The following STX19 variants were observed in gnomAD, a reference collection of about 807,000 sequenced individuals.
The protein encoded by STX19 is syntaxin-19.
A neutral mutation model predicts 24.3 loss-of-function variants in STX19; 26 were observed. The observed-to-expected ratio is 1.07, with a 90% CI of 0.78 to 1.48. The LOEUF is 1.48. Ranked by LOEUF, STX19 falls within the 40% of genes most tolerant of loss-of-function variation. STX19 has a pLI of 0.00. For synonymous variants in STX19, 116 were observed against 106.9 expected, an observed-to-expected ratio of 1.09 and a Z score of -0.52; for missense variants, 367 against 331.9, an observed-to-expected ratio of 1.11 and a Z score of -0.82.
chr3:94,018,309 G>A (rs895253641), intron 1 of STX19, among the ~76,000 whole-genome samples: 1 of 152,096 alleles, frequency 6.6e-6, no homozygotes, highest in Non-Finnish European at 1.5e-5. Context: ...TGGAGTAAAT[G>A]GGAACCATCA....
chr3:94,025,472 G>A (rs1219408267), intron 1 of STX19, among the ~76,000 whole-genome samples: 1 of 152,156 alleles, frequency 6.6e-6, no homozygotes, highest in African/African-American at 2.4e-5. Context: ...TTATGTGAAA[G>A]ATCCTTTACA....
At chr3:94,020,456 C>A (rs1000600441) in intron 1 of STX19, among the ~76,000 whole-genome samples, 3 of 152,040 alleles carry the variant, frequency 2.0e-5, no homozygotes, top group African/African-American at 4.8e-5. Flanking sequence ...GTATAGCATA[C>A]TAGAGCATAG....
rs1338975392 is a variant in STX19 at position 94,028,464 on chromosome 3, A to G, written c.-111T>C. 1.3e-5 allele frequency: 2 copies of G among 152,252 alleles called. No homozygotes were observed. Among genetic ancestry groups the G allele is most frequent in the Non-Finnish European group, 2.9e-5 (2 of 68,046 alleles). The allele number at this position is 152,252 out of a possible 1,614,324, so 9.4% of individuals were successfully genotyped here. On this transcript the variant is annotated 5_prime_UTR_variant, in exon 1 of 2. Transcript: ENST00000315099. Reference sequence around the variant, plus strand: ...TATCATCTCATGTTTTGAACAAATTATCTAAATCTCTGTCTTATAGGGCAC... The same window carrying G: ...TATCATCTCATGTTTTGAACAAATTGTCTAAATCTCTGTCTTATAGGGCAC...
chr3:94,018,127 GGC>G (rs2076370687), intron 1 of STX19, among the ~76,000 whole-genome samples: 1 of 152,024 alleles, frequency 6.6e-6, no homozygotes, highest in African/African-American at 2.4e-5. Flanking sequence ...TGAACTCCTG[GGC>G]TCAAGCCATC....
intron 1 of STX19, among the ~76,000 whole-genome samples, chr3:94,025,141 T>C (rs2076528719): frequency 6.6e-6 from 1 of 151,804 alleles, no homozygotes; most frequent in African/African-American, 2.4e-5. Context: ...CCATGTAATA[T>C]CATTCCCTGA....
At chr3:94,019,413 T>A (rs527480419) in intron 1 of STX19, among the ~76,000 whole-genome samples, 3 of 151,578 alleles carry the variant, frequency 2.0e-5, no homozygotes, top group African/African-American at 7.3e-5. Context: ...GTCAGGTTGG[T>A]CTTGAACTCT....
chr3:94,026,131 T>A (rs1354880155), intron 1 of STX19, among the ~76,000 whole-genome samples: 2 of 151,944 alleles, frequency 1.3e-5, no homozygotes. Flanking sequence ...GCCATTCTCC[T>A]GCCTCAGCCT....
chr3:94,018,090 G>A (rs912025238), intron 1 of STX19, among the ~76,000 whole-genome samples: 63 of 152,232 alleles, frequency 4.1e-4, no homozygotes, highest in African/African-American at 1.5e-3. Flanking sequence ...TGATACAGGG[G>A]TGTCCCTATG....
At chr3:94,016,733 G>C (rs2107499059) in intron 1 of STX19, among the ~76,000 whole-genome samples, 1 of 150,376 alleles carries the variant, frequency 6.6e-6, no homozygotes, top group South Asian at 2.1e-4. Context: ...TGCAACTTCT[G>C]CCTCCCGGGT....
chr3:94,014,874 T>C lies in STX19; in HGVS notation c.396A>G (p.Ile132Met). Residue 132 changes from isoleucine to methionine, a missense_variant, in exon 2 of 2, where the codon ATA (isoleucine) becomes ATG (methionine). Coordinates refer to ENST00000315099, the MANE Select transcript of STX19 (RefSeq NM_001001850.3). ...ACATTGCAGCATGCTGAGATTTAAG[T>C]ATCCTTGTGACCACTGAAGATGGAC... The part of the protein sequence containing the change: ...ENGPSSVVTR[I>M]LKSQHAAMFR... 6.2e-7 allele frequency: 1 copy of C among 1,614,064 alleles called. No individual in the cohort carries two copies. Among genetic ancestry groups the C allele is most frequent in the Non-Finnish European group, 8.5e-7 (1 of 1,179,958 alleles).
At chr3:94,027,741 A>G (rs1215426483) in intron 1 of STX19, among the ~76,000 whole-genome samples, 2 of 152,024 alleles carry the variant, frequency 1.3e-5, no homozygotes, top group African/African-American at 2.4e-5. Flanking sequence ...TCAAACTATC[A>G]ATTAAATGCT....
chr3:94,021,082 G>A (rs1389347449), intron 1 of STX19, among the ~76,000 whole-genome samples: 1 of 151,846 alleles, frequency 6.6e-6, no homozygotes, highest in Non-Finnish European at 1.5e-5. Context: ...GAACAATTAT[G>A]AAAGGAAGAT....
intron 1 of STX19, among the ~76,000 whole-genome samples, chr3:94,020,807 TAATTC>T (rs1251505515): frequency 1.3e-5 from 2 of 152,168 alleles, no homozygotes; most frequent in African/African-American, 4.8e-5. Flanking sequence ...TTTAAATACT[TAATTC>T]AAATAGCCGG....
chr3:94,019,847 G>A (rs1235355174), intron 1 of STX19, among the ~76,000 whole-genome samples: 1 of 152,142 alleles, frequency 6.6e-6, no homozygotes, highest in African/African-American at 2.4e-5. Flanking sequence ...TTAGGGCCTT[G>A]GCACTTGCCT....
rs61739250 is a variant in STX19, at chr3:94,015,157, G to C, written c.113C>G (p.Ala38Gly). 6.6e-4 allele frequency: 1,063 copies of C among 1,613,918 alleles called. 5 individuals carry two copies. The African/African-American group carries it at 0.011, about 17-fold the overall frequency. Residue 38 changes from alanine (A) to glycine (G), a missense_variant, in exon 2 of 2, where the codon GCT becomes GGT. Coordinates refer to ENST00000315099, the MANE Select transcript of STX19 (RefSeq NM_001001850.3). ...TEEQGVFLQQ[A>G]VIYEREPVAE... ...TACAGGCTCTCTTTCATAAATAACA[G>C]CTTGCTGTAGAAACACCCCTTGTTC...
At chr3:94,023,430 T>A (rs929015539) in intron 1 of STX19, among the ~76,000 whole-genome samples, 4 of 152,168 alleles carry the variant, frequency 2.6e-5, no homozygotes. Flanking sequence ...TTGATGCATT[T>A]ATTTGGTAAA....
Position 94,014,724 on chromosome 3 carries a change from T to A in STX19, c.546A>T (p.Val182=). 1.9e-6 allele frequency: 3 copies of A among 1,613,020 alleles called. 1 individual carries two copies. In the South Asian group the frequency reaches 3.3e-5, roughly 18 times the overall value. The change falls in exon 2 of 2, where the codon GTA becomes GTT. Residue 182 remains valine (V), a synonymous_variant. Transcript: ENST00000315099. The part of the protein sequence containing the change: ...VAGKEMSEED[V]NDMLHQGKWE... ...ATTTTCCTTGATGAAGCATATCATTTACATCTTCTTCAGACATCTCTTTTC... is the reference window on the plus strand; with the variant it reads ...ATTTTCCTTGATGAAGCATATCATTAACATCTTCTTCAGACATCTCTTTTC...
At chr3:94,022,764 A>G (rs2076474628) in intron 1 of STX19, among the ~76,000 whole-genome samples, 1 of 152,226 alleles carries the variant, frequency 6.6e-6, no homozygotes, top group African/African-American at 2.4e-5. Flanking sequence ...ATAAATGTAT[A>G]TTATGGTGAT....
At chr3:94,023,044 C>G (rs1392321830) in intron 1 of STX19, among the ~76,000 whole-genome samples, 2 of 151,704 alleles carry the variant, frequency 1.3e-5, no homozygotes, top group East Asian at 3.9e-4. Context: ...AATTTTCTTC[C>G]TCTTTTATAT....
Sources: gnomAD v4.1 joint callset for allele counts (sites outside exome capture counted in the v4.1 genomes callset) on GRCh38, gnomAD v4.1.1 for gene constraint, MANE v1.5 for transcripts, NCBI Gene and HGNC (gene_info 2026-07-23, HGNC 2026-07-21) for gene names.